Variants in SPATA17 observed in about 807,000 individuals in gnomAD.
SPATA17 encodes the protein spermatogenesis associated 17.
SPATA17 carries 53 observed loss-of-function variants against 62.2 expected under a neutral mutation model. The ratio of observed to expected loss-of-function variants is 0.85; its 90% confidence interval spans 0.68 to 1.07. The LOEUF (loss-of-function observed/expected upper bound fraction) is 1.07, where lower values mean the gene tolerates loss of function less well. Among genes scored for constraint, SPATA17 ranks in the 50% least tolerant of loss-of-function variants. The probability of loss-of-function intolerance (pLI) is 0.00; values close to 1 mark genes in which losing one functional copy is unlikely to be tolerated. For missense variants in SPATA17, 466 were observed against 425.5 expected (o/e 1.10, Z -0.84); for synonymous variants, 146 against 146.8 (o/e 0.99, Z 0.04).
intron 8 of SPATA17, among the ~76,000 whole-genome samples, chr1:217,800,256 C>G (rs78948390): frequency 0.011 from 1,524 of 142,596 alleles, 16 homozygotes; most frequent in African/African-American, 0.035. Context: ...TCTGATACAG[C>G]TTTTTAATCA....
rs542724442 is a variant in SPATA17 at position 217,723,807 on chromosome 1, G to A, written c.396-18168G>A. ...TAATATGGAATACAGTATATGTGCA[G>A]ATAACGGGCTTTTCAAATACTGCAT... On this transcript the variant is annotated intron_variant, in intron 5 of 10. Transcript: ENST00000366933. 5.3e-5 allele frequency among the ~76,000 whole-genome samples: 8 copies of A among 152,328 alleles called. No homozygotes were observed. In the South Asian group the frequency reaches 1.7e-3, roughly 32 times the overall value.
Position 217,669,058 on chromosome 1 carries a change from ATC to A in SPATA17, c.270_271del (p.Tyr91GlnfsTer15). The A allele has an allele frequency of 6.2e-7, 1 of 1,611,736 alleles. No homozygotes were observed. Among genetic ancestry groups the A allele is most frequent in the Admixed American group, 1.7e-5 (1 of 59,888 alleles). On this transcript the variant is annotated frameshift_variant, in exon 4 of 11. Coordinates refer to ENST00000366933, the MANE Select transcript of SPATA17 (RefSeq NM_138796.4). LOFTEE classifies it high-confidence loss of function. ...GTAGCATATTATACTATGATGATGA[ATC>A]TCTACAATGCAATGGCTGTCAGGGT... is the stretch of plus-strand genomic sequence containing the variant.
chr1:217,753,925 T>C (rs1672976552), intron 6 of SPATA17, among the ~76,000 whole-genome samples: 1 of 152,156 alleles, frequency 6.6e-6, no homozygotes, highest in South Asian at 2.1e-4. Flanking sequence ...TTTGCTTATT[T>C]TTATTGGTTT....
At chr1:217,654,291 T>C (rs1427562305) in intron 3 of SPATA17, among the ~76,000 whole-genome samples, 1 of 151,570 alleles carries the variant, frequency 6.6e-6, no homozygotes, top group Non-Finnish European at 1.5e-5. Context: ...GGACCTGCCA[T>C]CACGCCCGGC....
chr1:217,763,553 T>A (rs1673223530), intron 6 of SPATA17, among the ~76,000 whole-genome samples: 1 of 152,166 alleles, frequency 6.6e-6, no homozygotes, highest in East Asian at 1.9e-4. Flanking sequence ...ATTTATGAGA[T>A]CTTCTTAAGT....
intron 6 of SPATA17, among the ~76,000 whole-genome samples, chr1:217,749,985 C>CTCTCTGTATATA: frequency 8.1e-5 from 1 of 12,316 alleles, no homozygotes; most frequent in African/African-American, 3.0e-4. Flanking sequence ...CTCTCTCTCT[C>CTCTCTGTATATA]TATATATATA....
chr1:217,681,992 C>T (rs902384884), intron 4 of SPATA17, among the ~76,000 whole-genome samples: 2 of 150,316 alleles, frequency 1.3e-5, no homozygotes, highest in African/African-American at 4.9e-5. Flanking sequence ...GTGCCAAAAT[C>T]GGGAAGACTT....
At chr1:217,701,751 C>T (rs989789283) in intron 5 of SPATA17, among the ~76,000 whole-genome samples, 33 of 151,984 alleles carry the variant, frequency 2.2e-4, no homozygotes, top group Middle Eastern at 3.2e-3. Flanking sequence ...TATTGGTGCT[C>T]GCATTATCTG....
chr1:217,636,255 T>G (rs1304160095), intron 1 of SPATA17, among the ~76,000 whole-genome samples: 1 of 151,924 alleles, frequency 6.6e-6, no homozygotes, highest in Non-Finnish European at 1.5e-5. Flanking sequence ...GGTAACAAGG[T>G]AGGGACAGAA....
At chr1:217,638,490 C>A (rs902925626) in intron 1 of SPATA17, among the ~76,000 whole-genome samples, 1 of 152,154 alleles carries the variant, frequency 6.6e-6, no homozygotes, top group Non-Finnish European at 1.5e-5. Flanking sequence ...ATGTTCACTG[C>A]TGGCTCATTG....
At chr1:217,749,575 C>T (rs943949458) in intron 6 of SPATA17, among the ~76,000 whole-genome samples, 1 of 152,040 alleles carries the variant, frequency 6.6e-6, no homozygotes, top group Non-Finnish European at 1.5e-5. Context: ...TTGCTATCGT[C>T]TTTCAGTTCA....
intron 5 of SPATA17, among the ~76,000 whole-genome samples, chr1:217,724,587 C>CA (rs1477132841): frequency 6.6e-6 from 1 of 151,332 alleles, no homozygotes; most frequent in East Asian, 1.9e-4. Flanking sequence ...GACTCTGTCT[C>CA]AAAAAAATAA....
intron 5 of SPATA17, among the ~76,000 whole-genome samples, chr1:217,685,063 C>CTGGCTGGCTGTCTACAAA (rs144679211): frequency 0.25 from 38,192 of 151,828 alleles, 5,271 homozygotes; most frequent in African/African-American, 0.36. Flanking sequence ...ATTCTAAAGA[C>CTGGCTGGCTGTCTACAAA]TGGCTGACTT....
chr1:217,721,325 C>T (rs1672122407), intron 5 of SPATA17, among the ~76,000 whole-genome samples: 1 of 152,130 alleles, frequency 6.6e-6, no homozygotes, highest in South Asian at 2.1e-4. Flanking sequence ...ACTGGTGGCT[C>T]TAAGGCTTAA....
At position 217,764,995 on chromosome 1, in the gene SPATA17, C is replaced by A. The variant is rs924686120; in HGVS notation, c.520-9339C>A. Among the ~76,000 whole-genome samples the A allele has an allele frequency of 2.0e-5, 3 of 152,036 alleles. No individual in the cohort carries two copies. In the South Asian group the frequency reaches 6.2e-4, roughly 32 times the overall value. ...TAGAGGGATAAAGATTCTAGTTTCT[C>A]ACTGTTGAGATGAAATGGAAATTGG... On this transcript the variant is annotated intron_variant, in intron 6 of 10. Coordinates refer to ENST00000366933, the MANE Select transcript of SPATA17 (RefSeq NM_138796.4).
chr1:217,821,235 C>T (rs188662203), intron 9 of SPATA17, among the ~76,000 whole-genome samples: 6 of 152,050 alleles, frequency 3.9e-5, no homozygotes, highest in Non-Finnish European at 8.8e-5. Context: ...CAAACAATAG[C>T]CTGGATGAAA....
At position 217,830,186 on chromosome 1, in the gene SPATA17, C is replaced by T. The variant is rs571369213; in HGVS notation, c.1005+28336C>T. On this transcript the variant is annotated intron_variant, in intron 9 of 10. Transcript: ENST00000366933. ...AGATTCATCTCATATCATTTTGTATCTTCCATTCAATTTTATATCAGAATG... is the reference window on the plus strand; with the variant it reads ...AGATTCATCTCATATCATTTTGTATTTTCCATTCAATTTTATATCAGAATG... 3.3e-5 allele frequency among the ~76,000 whole-genome samples: 5 copies of T among 152,154 alleles called. No individual in the cohort carries two copies. The East Asian group carries it at 9.7e-4, about 29-fold the overall frequency.
chr1:217,650,227 C>T lies in SPATA17; in HGVS notation c.159-870C>T, dbSNP rs7523268. Among the ~76,000 whole-genome samples, 1,238 of 152,110 alleles carry T rather than the reference C, an allele frequency of 8.1e-3. 9 individuals are homozygous for T. Among genetic ancestry groups the T allele is most frequent in the African/African-American group, 0.027 (1,103 of 41,502 alleles). The stretch of plus-strand genomic sequence containing the variant: ...GTGCCGGGATAACAGGCATGAGCCA[C>T]GGCGCCTGGAAGACAAGACTTCTCT... On this transcript the variant is annotated intron_variant, in intron 2 of 10. Transcript: ENST00000366933.
intron 5 of SPATA17, among the ~76,000 whole-genome samples, chr1:217,688,414 C>A (rs1389877479): frequency 1.3e-5 from 2 of 152,106 alleles, no homozygotes; most frequent in East Asian, 3.9e-4. Flanking sequence ...TAACAGTTCT[C>A]TTTTCTTTTG....
Sources: gnomAD v4.1 joint callset for allele counts (sites outside exome capture counted in the v4.1 genomes callset) on GRCh38, gnomAD v4.1.1 for gene constraint, MANE v1.5 for transcripts, NCBI Gene and HGNC (gene_info 2026-07-23, HGNC 2026-07-21) for gene names.